COL17A1: variants seen among roughly 807,000 people sequenced by gnomAD.
COL17A1 encodes the protein collagen alpha-1(XVII) chain.
COL17A1 carries 181 observed loss-of-function variants against 218.4 expected under a neutral mutation model. That is an observed-to-expected ratio of 0.83 (90% confidence interval 0.73 to 0.94). The LOEUF is 0.94. Among genes scored for constraint, COL17A1 ranks in the 40% least tolerant of loss-of-function variants. COL17A1 has a pLI of 0.00. For missense variants in COL17A1, 1,924 were observed against 1,945.9 expected (o/e 0.99, Z 0.21); for synonymous variants, 721 against 731.0 (o/e 0.99, Z 0.22).
Position 104,039,110 on chromosome 10 carries a change from C to T in COL17A1, c.2908G>A (p.Val970Ile). The change falls in exon 44 of 56, where the codon GTT becomes ATT. Residue 970 changes from valine (V) to isoleucine (I), a missense_variant. Val to Ile is a conservative substitution (Grantham distance 29). Coordinates refer to ENST00000648076, the MANE Select transcript of COL17A1 (RefSeq NM_000494.4). ...GPKGDKGDPG[V>I]PGALGIPSGP... ...CTAGGAATGCCAAGAGCCCCTGGAA[C>T]ACCTGGATCACCTGGAATCCAAAAT... is the stretch of plus-strand genomic sequence containing the variant. The T allele has an allele frequency of 1.9e-6, 3 of 1,614,164 alleles. No homozygotes were observed. The highest frequency in any genetic ancestry group is 2.5e-6 in the Non-Finnish European group (3 of 1,179,996).
chr10:104,039,723 G>C, intron 41 of COL17A1, 83 bp from the exon 42 acceptor site: 3 of 1,592,308 alleles, frequency 1.9e-6, no homozygotes, highest in Non-Finnish European at 2.6e-6. Flanking sequence ...CAAGATCCAT[G>C]ATTGCTGGGG....
At chr10:104,046,508 C>T (rs1346081662) in intron 32 of COL17A1, among the ~76,000 whole-genome samples, 1 of 152,176 alleles carries the variant, frequency 6.6e-6, no homozygotes, top group Non-Finnish European at 1.5e-5. Flanking sequence ...GGGAACAGGG[C>T]ACAGGCAGAC....
intron 20 of COL17A1, 57 bp downstream of exon 20, chr10:104,054,923 GT>G: frequency 6.2e-7 from 1 of 1,613,132 alleles, no homozygotes; most frequent in Non-Finnish European, 8.5e-7. Context: ...CTTGCTGATT[GT>G]TTGAAACAAT....
intron 24 of COL17A1, among the ~76,000 whole-genome samples, chr10:104,051,754 G>A (rs1268201657): frequency 2.0e-5 from 3 of 152,206 alleles, no homozygotes; most frequent in Non-Finnish European, 4.4e-5. Flanking sequence ...GGCTGGGGCA[G>A]TAGAACATTT....
chr10:104,066,528 GCT>G (rs1274893841), intron 9 of COL17A1, among the ~76,000 whole-genome samples: 1 of 152,182 alleles, frequency 6.6e-6, no homozygotes, highest in African/African-American at 2.4e-5. Context: ...GACGGGTTAT[GCT>G]CTTTGTTAAA....
intron 9 of COL17A1, among the ~76,000 whole-genome samples, chr10:104,067,334 T>A (rs368148315): frequency 0.023 from 2,579 of 110,254 alleles, no homozygotes; most frequent in African/African-American, 0.033. Context: ...GGCTCAGGAA[T>A]AAAAAAAAAA....
In COL17A1 at chr10:104,059,651, T is replaced by C; in HGVS notation, c.1209A>G (p.Lys403=). ...QAAYNADSGL[K]AEANGDLKTV... is the part of the protein sequence containing the mutation. The stretch of plus-strand genomic sequence containing the variant: ...ATTTGTTCTTACCATTAGCTTCGGC[T>C]TTTAGGCCTGAGTCAGCATTGTAGG... Residue 403 remains lysine, a synonymous_variant, in exon 15 of 56, where the codon AAA becomes AAG. Coordinates refer to ENST00000648076, the MANE Select transcript of COL17A1 (RefSeq NM_000494.4). The C allele has an allele frequency of 6.2e-7, 1 of 1,614,184 alleles. No homozygotes were observed. Among genetic ancestry groups the C allele is most frequent in the Non-Finnish European group, 8.5e-7 (1 of 1,179,984 alleles).
Position 104,034,611 on chromosome 10 carries a change from G to A in COL17A1, c.3766+10C>T. On this transcript the variant is annotated intron_variant, in intron 51 of 55. Transcript: ENST00000648076. Reference sequence around the variant, plus strand: ...GGTGCCTGGTGGGGCATCACCGTCGGGGCACCTACTTGTGAGGTAGCTGAT... The same window carrying A: ...GGTGCCTGGTGGGGCATCACCGTCGAGGCACCTACTTGTGAGGTAGCTGAT... The A allele has an allele frequency of 5.6e-6, 9 of 1,608,586 alleles. No individual in the cohort carries two copies. In the South Asian group the frequency reaches 6.7e-5, roughly 12 times the overall value.
intron 7 of COL17A1, 93 bp downstream of exon 7, chr10:104,073,117 T>G (rs2086681856): frequency 1.7e-6 from 2 of 1,146,066 alleles, no homozygotes; most frequent in Admixed American, 3.4e-5. Flanking sequence ...TCTTCTGTAC[T>G]CCTTACACTC....
Position 104,033,258 on chromosome 10 carries a change from T to C in COL17A1, c.4274A>G (p.Asp1425Gly). 1.3e-6 allele frequency: 2 copies of C among 1,589,306 alleles called. No homozygotes were observed. Among genetic ancestry groups the C allele is most frequent in the South Asian group, 2.3e-5 (2 of 87,070 alleles). The part of the protein sequence containing the change: ...VFSAYSNVTA[D>G]LMDFFQTYGA... ...CTTACTTTGGAAGAAGTCCATGAGG[T>C]CCGCAGTCACGTTGCTGTAGGCAGA... The change falls in exon 53 of 56, where the codon GAC becomes GGC. Residue 1425 changes from aspartate to glycine, a missense_variant. Transcript: ENST00000648076.
Position 104,035,457 on chromosome 10 carries a change from C to G in COL17A1, c.3508+17G>C. On this transcript the variant is annotated intron_variant, in intron 49 of 55. Coordinates refer to ENST00000648076, the MANE Select transcript of COL17A1 (RefSeq NM_000494.4). ...CCTCCCCAACCAGTTGGACAGATGT[C>G]CCCTGCTGGGCCTTACCTCGCAGCA... 3.1e-6 allele frequency: 5 copies of G among 1,613,922 alleles called. No homozygotes were observed. The highest frequency in any genetic ancestry group is 4.2e-6 in the Non-Finnish European group (5 of 1,179,900).
intron 15 of COL17A1, among the ~76,000 whole-genome samples, chr10:104,058,497 A>G (rs531955062): frequency 1.3e-4 from 20 of 152,318 alleles, no homozygotes; most frequent in Admixed American, 1.2e-3. Context: ...CATTCAAACA[A>G]TAAGTGTGGT....
Position 104,076,338 on chromosome 10 carries a change from A to C in COL17A1, c.294T>G (p.Phe98Leu). The C allele has an allele frequency of 6.2e-7, 1 of 1,614,162 alleles. No individual in the cohort carries two copies. Among genetic ancestry groups the C allele is most frequent in the Non-Finnish European group, 8.5e-7 (1 of 1,180,012 alleles). ...GGCGGGTAACGTGAGTTTTCCTTTC[A>C]AAGGTTGAGCCTGGGGAGTTGGGCA... The part of the protein sequence containing the change: ...STLPNSPGST[F>L]ERKTHVTRHA... Residue 98 changes from phenylalanine (F) to leucine (L), a missense_variant, in exon 5 of 56, where the codon TTT becomes TTG. Phe to Leu is a conservative substitution (Grantham distance 22). Transcript: ENST00000648076.
chr10:104,069,579 G>A (rs890160492), intron 9 of COL17A1, among the ~76,000 whole-genome samples: 1 of 152,188 alleles, frequency 6.6e-6, no homozygotes, highest in East Asian at 1.9e-4. Context: ...ACTTTGGACT[G>A]TCCCCTTACA....
Position 104,085,032 on chromosome 10 carries a change from A to AT in COL17A1, c.-12+690dup, listed in dbSNP as rs554462522. Reference sequence around the variant, plus strand: ...ACTGGTAATTCTCATCTCAAAGTGAATTTTTTTGGCAGGAGGAAACCCAAG... The same window carrying AT: ...ACTGGTAATTCTCATCTCAAAGTGAATTTTTTTTGGCAGGAGGAAACCCAAG... On this transcript the variant is annotated intron_variant, in intron 1 of 55. Coordinates refer to ENST00000648076, the MANE Select transcript of COL17A1 (RefSeq NM_000494.4). Among the ~76,000 whole-genome samples, 72 of 152,216 alleles carry AT rather than the reference A, an allele frequency of 4.7e-4. 1 individual carries two copies. The East Asian group carries it at 7.9e-3, about 17-fold the overall frequency.
intron 36 of COL17A1, 111 bp downstream of exon 36, chr10:104,042,309 T>C (rs1478820122): frequency 2.4e-6 from 3 of 1,227,694 alleles, no homozygotes; most frequent in Non-Finnish European, 3.6e-6. Flanking sequence ...GTCCTCCTTT[T>C]CCAAAACACA....
Position 104,034,641 on chromosome 10 carries a change from T to C in COL17A1, c.3746A>G (p.Glu1249Gly), listed in dbSNP as rs749718265. 1.2e-6 allele frequency: 2 copies of C among 1,610,484 alleles called. No individual in the cohort carries two copies. Among genetic ancestry groups the C allele is most frequent in the South Asian group, 1.1e-5 (1 of 89,988 alleles). Residue 1249 changes from glutamate (E) to glycine (G), a missense_variant, in exon 51 of 56, where the codon GAG (glutamate) becomes GGG (glycine). By Grantham distance (98) the Glu-to-Gly change is moderately conservative (BLOSUM62 -2). Coordinates refer to ENST00000648076, the MANE Select transcript of COL17A1 (RefSeq NM_000494.4). ...AAENSDSFRS[E>G]LISYLTSPDV... ...CCTACTTGTGAGGTAGCTGATCAGC[T>C]CGCTCCGGAAGCTGTCGCTGTTTTC...
intron 36 of COL17A1, 110 bp downstream of exon 36, chr10:104,042,310 C>G: frequency 8.0e-7 from 1 of 1,245,820 alleles, no homozygotes; most frequent in Non-Finnish European, 1.2e-6. Context: ...TCCTCCTTTT[C>G]CAAAACACAC....
chr10:104,041,228 C>T, intron 38 of COL17A1, 75 bp downstream of exon 38: 2 of 1,598,218 alleles, frequency 1.3e-6, no homozygotes, highest in Non-Finnish European at 1.7e-6. Flanking sequence ...CCCAGAGGGC[C>T]CTGGGCTCAG....
Sources: gnomAD v4.1 joint callset for allele counts (sites outside exome capture counted in the v4.1 genomes callset) on GRCh38, gnomAD v4.1.1 for gene constraint, MANE v1.5 for transcripts, NCBI Gene and HGNC (gene_info 2026-07-23, HGNC 2026-07-21) for gene names.